PCDH15: variants seen among roughly 807,000 people sequenced by gnomAD.
PCDH15 encodes protocadherin related 15.
A neutral mutation model predicts 178.5 loss-of-function variants in PCDH15; 129 were observed. The observed-to-expected ratio is 0.72, with a 90% CI of 0.63 to 0.84. The LOEUF is 0.84. Among genes scored for constraint, PCDH15 ranks in the 40% least tolerant of loss-of-function variants. The probability of loss-of-function intolerance (pLI) is 0.00; values close to 1 mark genes in which losing one functional copy is unlikely to be tolerated. For synonymous variants in PCDH15, 800 were observed against 732.0 expected, an observed-to-expected ratio of 1.09 and a Z score of -1.50; for missense variants, 2,230 against 2,099.9, an observed-to-expected ratio of 1.06 and a Z score of -1.21.
At chr10:53,928,564 T>C (rs2084774857) in intron 25 of PCDH15, among the ~76,000 whole-genome samples, 1 of 152,090 alleles carries the variant, frequency 6.6e-6, no homozygotes, top group African/African-American at 2.4e-5. Flanking sequence ...ATGTTATTCA[T>C]GTAGTTGCAT....
chr10:54,327,834 A>C (rs1195965713), intron 7 of PCDH15, among the ~76,000 whole-genome samples: 1 of 152,052 alleles, frequency 6.6e-6, no homozygotes, highest in African/African-American at 2.4e-5. Context: ...AAAGGCTATT[A>C]ATTTAGAGCA....
chr10:54,951,238 TA>T (rs1838330187), intron 2 of PCDH15, among the ~76,000 whole-genome samples: 1 of 151,924 alleles, frequency 6.6e-6, no homozygotes, highest in Admixed American at 6.6e-5. Flanking sequence ...TCATGCACTC[TA>T]AACCTCTAGA....
At chr10:55,131,469 G>A (rs1838043336) in intron 2 of PCDH15, among the ~76,000 whole-genome samples, 1 of 152,178 alleles carries the variant, frequency 6.6e-6, no homozygotes, top group Non-Finnish European at 1.5e-5. Flanking sequence ...AGTGGCGGTG[G>A]AGGTATGTTT....
intron 35 of PCDH15, among the ~76,000 whole-genome samples, chr10:53,812,880 T>G (rs2132404800): frequency 6.6e-6 from 1 of 152,254 alleles, no homozygotes; most frequent in East Asian, 1.9e-4. Flanking sequence ...GATCCAGGAA[T>G]AGTAATGAGT....
chr10:55,620,784 T>C (rs192427274), intron 2 of PCDH15, among the ~76,000 whole-genome samples: 13 of 151,530 alleles, frequency 8.6e-5, no homozygotes, highest in African/African-American at 2.9e-4. Flanking sequence ...TATTTTTCAA[T>C]TATATTAAGT....
At chr10:54,944,229 G>A (rs1244617311) in intron 2 of PCDH15, among the ~76,000 whole-genome samples, 1 of 151,922 alleles carries the variant, frequency 6.6e-6, no homozygotes, top group Non-Finnish European at 1.5e-5. Flanking sequence ...TGTTTAGGTT[G>A]AGAAAGGGTT....
intron 2 of PCDH15, among the ~76,000 whole-genome samples, chr10:55,382,719 G>C (rs1229123795): frequency 6.6e-6 from 1 of 152,128 alleles, no homozygotes; most frequent in Non-Finnish European, 1.5e-5. Context: ...TGAGTCTACT[G>C]GAATGACTCA....
chr10:54,196,186 A>T (rs112839442), intron 10 of PCDH15, among the ~76,000 whole-genome samples: 21 of 152,246 alleles, frequency 1.4e-4, no homozygotes, highest in African/African-American at 5.1e-4. Context: ...TCTGTCGCCC[A>T]GGCTGGAGTG....
At chr10:54,119,625 C>G (rs529529715) in intron 15 of PCDH15, among the ~76,000 whole-genome samples, 1 of 152,076 alleles carries the variant, frequency 6.6e-6, no homozygotes, top group African/African-American at 2.4e-5. Context: ...AGGTAGACAT[C>G]CAGAAACAAG....
chr10:54,234,528 G>A (rs559659839), intron 9 of PCDH15, among the ~76,000 whole-genome samples: 9 of 152,194 alleles, frequency 5.9e-5, no homozygotes, highest in East Asian at 3.9e-4. Flanking sequence ...ACTCCAGTGC[G>A]GGTGACAGAG....
intron 1 of PCDH15, among the ~76,000 whole-genome samples, chr10:55,207,447 C>T (rs1002753016): frequency 6.6e-6 from 1 of 151,958 alleles, no homozygotes; most frequent in Non-Finnish European, 1.5e-5. Context: ...AGAATGGCTC[C>T]GTTATTTAGC....
At chr10:55,359,632 C>A (rs1273851752) in intron 2 of PCDH15, among the ~76,000 whole-genome samples, 1 of 150,534 alleles carries the variant, frequency 6.6e-6, no homozygotes, top group Non-Finnish European at 1.5e-5. Flanking sequence ...TCTGTATTCC[C>A]ATGTTTATTC....
chr10:54,149,255 T>A (rs989505111), intron 14 of PCDH15, among the ~76,000 whole-genome samples: 1 of 152,132 alleles, frequency 6.6e-6, no homozygotes, highest in Non-Finnish European at 1.5e-5. Context: ...TCAATTTAAT[T>A]TATATTCTTT....
chr10:54,166,206 T>A (rs944137833), intron 13 of PCDH15, among the ~76,000 whole-genome samples: 1 of 152,222 alleles, frequency 6.6e-6, no homozygotes, highest in Non-Finnish European at 1.5e-5. Flanking sequence ...CAGATCATCA[T>A]CCCCACTCAC....
At chr10:54,560,076 G>C (rs1002997438) in intron 2 of PCDH15, among the ~76,000 whole-genome samples, 1 of 151,842 alleles carries the variant, frequency 6.6e-6, no homozygotes, top group African/African-American at 2.4e-5. Context: ...GCTGGACATT[G>C]GTTGCCTTGA....
At chr10:54,438,157 G>C (rs1343889798) in intron 3 of PCDH15, among the ~76,000 whole-genome samples, 1 of 151,854 alleles carries the variant, frequency 6.6e-6, no homozygotes, top group African/African-American at 2.4e-5. Flanking sequence ...TATGTAACAG[G>C]AAGACCTGTG....
intron 2 of PCDH15, among the ~76,000 whole-genome samples, chr10:55,146,659 T>A (rs1390038287): frequency 6.6e-6 from 1 of 151,922 alleles, no homozygotes; most frequent in Non-Finnish European, 1.5e-5. Flanking sequence ...GATTACATAA[T>A]ACAGTTAAAA....
At chr10:55,482,224 C>G (rs1840197465) in intron 2 of PCDH15, among the ~76,000 whole-genome samples, 1 of 151,920 alleles carries the variant, frequency 6.6e-6, no homozygotes, top group Admixed American at 6.6e-5. Flanking sequence ...TGTGTCATTG[C>G]ATGAGAGATG....
chr10:55,026,030 A>G (rs772750125), intron 2 of PCDH15, among the ~76,000 whole-genome samples: 2 of 152,070 alleles, frequency 1.3e-5, no homozygotes, highest in Non-Finnish European at 2.9e-5. Flanking sequence ...GACAAAAAAT[A>G]TTAAAAGTGA....
Sources: gnomAD v4.1 joint callset for allele counts (sites outside exome capture counted in the v4.1 genomes callset) on GRCh38, gnomAD v4.1.1 for gene constraint, MANE v1.5 for transcripts, NCBI Gene and HGNC (gene_info 2026-07-23, HGNC 2026-07-21) for gene names.